The following NBEA variants were observed in gnomAD, a reference collection of about 807,000 sequenced individuals.
NBEA encodes neurobeachin, also known as lysosomal-trafficking regulator 2.
Under a neutral mutation model 343.4 loss-of-function variants are expected in NBEA, and 44 were observed. The ratio of observed to expected loss-of-function variants is 0.13; its 90% confidence interval spans 0.10 to 0.16. NBEA has a LOEUF of 0.16. NBEA is among the 10% of genes least tolerant of loss of function. The probability of loss-of-function intolerance (pLI) is 1.00; values close to 1 mark genes in which losing one functional copy is unlikely to be tolerated. For synonymous variants in NBEA, 1,175 were observed against 1,238.7 expected, an observed-to-expected ratio of 0.95 and a Z score of 1.08; for missense variants, 2,555 against 3,631.3, an observed-to-expected ratio of 0.70 and a Z score of 7.62.
intron 1 of NBEA, among the ~76,000 whole-genome samples, chr13:35,022,607 T>A (rs370730119): frequency 2.2e-4 from 34 of 152,258 alleles, no homozygotes; most frequent in African/African-American, 8.2e-4. Context: ...TACATGTTGA[T>A]GGGGGCAGAT....
intron 25 of NBEA, chr13:35,171,053 T>C (rs752550924): frequency 1.5e-6 from 1 of 667,688 alleles, no homozygotes; most frequent in Non-Finnish European, 2.7e-6. Context: ...ATGTTGATTT[T>C]AAAATGGGCT....
At chr13:34,973,217 A>T (rs183994568) in intron 1 of NBEA, among the ~76,000 whole-genome samples, 4 of 152,080 alleles carry the variant, frequency 2.6e-5, no homozygotes, top group African/African-American at 9.6e-5. Flanking sequence ...TGGCCCAAAC[A>T]TACCTGTAGG....
At chr13:35,146,950 A>C (rs919254514) in intron 18 of NBEA, among the ~76,000 whole-genome samples, 4 of 152,186 alleles carry the variant, frequency 2.6e-5, no homozygotes, top group African/African-American at 9.7e-5. Context: ...TGTCCCGAGT[A>C]AAGTTTGGCA....
intron 1 of NBEA, among the ~76,000 whole-genome samples, chr13:35,018,398 C>G (rs2061724703): frequency 6.6e-6 from 1 of 151,976 alleles, no homozygotes; most frequent in Non-Finnish European, 1.5e-5. Context: ...TTTCTTTTCT[C>G]TTGTTATTAT....
intron 34 of NBEA, among the ~76,000 whole-genome samples, chr13:35,243,795 A>C (rs1383740275): frequency 1.3e-5 from 2 of 151,926 alleles, no homozygotes; most frequent in Non-Finnish European, 2.9e-5. Context: ...GTTCTGCAAT[A>C]ATCGTGGGAG....
rs534765292 is a variant in NBEA at position 34,987,460 on chromosome 13, C to A, written c.294+44346C>A. The stretch of plus-strand genomic sequence containing the variant: ...TTCTTTTCAACCTTGCTAAATCTGA[C>A]AATTATGTGTCTTGGGGTTGCTCTT... On this transcript the variant is annotated intron_variant, in intron 1 of 58. Coordinates refer to ENST00000379939, the MANE Select transcript of NBEA (RefSeq NM_001385012.1). Among the ~76,000 whole-genome samples, 22 of 150,782 alleles carry A rather than the reference C, an allele frequency of 1.5e-4. No individual in the cohort carries two copies. The South Asian group carries it at 3.8e-3, about 26-fold the overall frequency.
Position 35,161,973 on chromosome 13 carries a change from A to G in NBEA, c.4079+6A>G. The G allele has an allele frequency of 1.3e-6, 2 of 1,533,916 alleles. No individual in the cohort carries two copies. The highest frequency in any genetic ancestry group is 1.8e-6 in the Non-Finnish European group (2 of 1,136,240). ...GATGTACATGTTTGGAGGAGGTAGA[A>G]ATATTTCTTTTTTATAAATTAAAAG... On this transcript the variant is annotated splice_donor_region_variant and intron_variant, in intron 23 of 58. Coordinates refer to ENST00000379939, the MANE Select transcript of NBEA (RefSeq NM_001385012.1).
intron 48 of NBEA, among the ~76,000 whole-genome samples, chr13:35,621,713 A>G (rs951334441): frequency 6.1e-5 from 9 of 147,680 alleles, no homozygotes; most frequent in African/African-American, 2.0e-4. Context: ...CATTACTGAC[A>G]TTTCCTTTAT....
At chr13:34,967,736 G>A (rs2059869551) in intron 1 of NBEA, among the ~76,000 whole-genome samples, 1 of 151,994 alleles carries the variant, frequency 6.6e-6, no homozygotes, top group African/African-American at 2.4e-5. Context: ...TACTCACCCT[G>A]CAGTTGTAGT....
chr13:34,993,804 A>T (rs1384589821), intron 1 of NBEA, among the ~76,000 whole-genome samples: 8 of 152,160 alleles, frequency 5.3e-5, no homozygotes, highest in South Asian at 2.1e-4. Flanking sequence ...CTGTATTTCT[A>T]CCCTGTACAT....
chr13:35,617,314 T>C (rs916728479), intron 48 of NBEA, among the ~76,000 whole-genome samples: 5 of 152,216 alleles, frequency 3.3e-5, no homozygotes, highest in African/African-American at 1.2e-4. Context: ...AAATTCTGCA[T>C]ATTCAGGATA....
intron 1 of NBEA, among the ~76,000 whole-genome samples, chr13:35,016,589 T>TACACACAC (rs66655195): frequency 1.3e-5 from 2 of 148,174 alleles, no homozygotes; most frequent in Admixed American, 6.7e-5. Flanking sequence ...TGTATGTGTA[T>TACACACAC]ACACACACAC....
intron 34 of NBEA, among the ~76,000 whole-genome samples, chr13:35,246,676 C>T (rs1479664964): frequency 6.6e-6 from 1 of 152,288 alleles, no homozygotes; most frequent in African/African-American, 2.4e-5. Context: ...AGCACCTGCT[C>T]CAATGAAGGT....
intron 29 of NBEA, 142 bp downstream of exon 29, chr13:35,182,670 T>G: frequency 1.3e-6 from 1 of 762,360 alleles, no homozygotes; most frequent in South Asian, 2.0e-5. Context: ...TAATTTAGTA[T>G]TCCTTAATTC....
chr13:35,364,947 CA>C (rs2041016961), intron 38 of NBEA, among the ~76,000 whole-genome samples: 1 of 151,650 alleles, frequency 6.6e-6, no homozygotes, highest in African/African-American at 2.4e-5. Flanking sequence ...AAAAGCCAGT[CA>C]AAATTCTTTG....
intron 49 of NBEA, among the ~76,000 whole-genome samples, chr13:35,629,114 A>G (rs1416986926): frequency 6.6e-6 from 1 of 152,238 alleles, no homozygotes; most frequent in Non-Finnish European, 1.5e-5. Context: ...TTCATATAAA[A>G]TATTACTTAA....
intron 38 of NBEA, among the ~76,000 whole-genome samples, chr13:35,423,431 G>C (rs1314148914): frequency 1.3e-5 from 2 of 152,002 alleles, no homozygotes; most frequent in African/African-American, 4.8e-5. Context: ...TCTTGTTTTT[G>C]TCAGATTTGT....
At position 35,177,032 on chromosome 13, in the gene NBEA, A is replaced by G. The variant is rs2070952878; in HGVS notation, c.4591A>G (p.Ile1531Val). Residue 1531 changes from isoleucine (I) to valine (V), a missense_variant, in exon 28 of 59, where the codon ATT (isoleucine) becomes GTT (valine). By Grantham distance (29) the Ile-to-Val change is conservative. Around this residue, in one of 21 missense-constraint regions of NBEA, gnomAD observed 168 missense variants for 193.0 expected, o/e 0.87. Coordinates refer to ENST00000379939, the MANE Select transcript of NBEA (RefSeq NM_001385012.1). ...AAATGTTCCAGGTAACCTTTCTCCT[A>G]TTAAGGATCCGGATAGACTTCTTCA... The part of the protein sequence containing the change: ...LENVPGNLSP[I>V]KDPDRLLQDV... 9.3e-6 allele frequency: 15 copies of G among 1,604,722 alleles called. No homozygotes were observed. The highest frequency in any genetic ancestry group is 1.3e-5 in the Non-Finnish European group (15 of 1,174,702).
chr13:34,943,197 C>G (rs977302034), intron 1 of NBEA, 83 bp downstream of exon 1: 1 of 1,523,546 alleles, frequency 6.6e-7, no homozygotes, highest in Non-Finnish European at 8.9e-7. Context: ...ACCCTTCACC[C>G]CCAGGGTCAC....
Sources: gnomAD v4.1 joint callset for allele counts (sites outside exome capture counted in the v4.1 genomes callset) on GRCh38, gnomAD v4.1.1 for gene constraint, gnomAD v4.1.1 regional missense constraint, MANE v1.5 for transcripts, NCBI Gene and HGNC (gene_info 2026-07-23, HGNC 2026-07-21) for gene names.